Variants in ADAM23 observed in about 807,000 individuals in gnomAD.
ADAM23 encodes the protein disintegrin and metalloproteinase domain-containing protein 23.
ADAM23 carries 33 observed loss-of-function variants against 120.1 expected under a neutral mutation model. The observed-to-expected ratio is 0.27, with a 90% confidence interval of 0.21 to 0.37. The LOEUF (loss-of-function observed/expected upper bound fraction) is 0.37. ADAM23 is among the 10% of genes least tolerant of loss of function. The pLI is 1.00. For missense variants in ADAM23, 862 were observed against 1,058.2 expected (o/e 0.81, Z 2.57); for synonymous variants, 367 against 375.2 (o/e 0.98, Z 0.25).
chr2:206,608,480 A>G (rs933715324), intron 24 of ADAM23, among the ~76,000 whole-genome samples: 5 of 152,240 alleles, frequency 3.3e-5, no homozygotes, highest in Non-Finnish European at 7.3e-5. Flanking sequence ...CAAAAGAGAT[A>G]CTATATGTCA....
intron 1 of ADAM23, among the ~76,000 whole-genome samples, chr2:206,444,846 C>G (rs1695044699): frequency 1.3e-5 from 2 of 152,172 alleles, no homozygotes; most frequent in Non-Finnish European, 2.9e-5. Context: ...ATTCAGTACT[C>G]AAGTTATCTT....
At chr2:206,456,213 A>G (rs1016157231) in intron 2 of ADAM23, among the ~76,000 whole-genome samples, 1 of 152,132 alleles carries the variant, frequency 6.6e-6, no homozygotes, top group African/African-American at 2.4e-5. Context: ...AAGGGGAAGC[A>G]TGCACACCTT....
chr2:206,607,124 A>T (rs1162618469), intron 24 of ADAM23: 2 of 152,192 alleles, frequency 1.3e-5, no homozygotes, highest in African/African-American at 4.8e-5. Flanking sequence ...GGATTCAAGG[A>T]CTTTGACCAG....
At chr2:206,598,855 G>A (rs1698580970) in intron 24 of ADAM23, among the ~76,000 whole-genome samples, 1 of 152,000 alleles carries the variant, frequency 6.6e-6, no homozygotes, top group Admixed American at 6.6e-5. Context: ...AGCCAAGATC[G>A]TGCCACTGTA....
At chr2:206,533,953 T>C (rs1697124043) in intron 4 of ADAM23, among the ~76,000 whole-genome samples, 1 of 152,230 alleles carries the variant, frequency 6.6e-6, no homozygotes, top group South Asian at 2.1e-4. Flanking sequence ...GCACATAATA[T>C]ATAATAAAAC....
At chr2:206,454,358 C>A (rs1423104584) in intron 2 of ADAM23, among the ~76,000 whole-genome samples, 1 of 152,112 alleles carries the variant, frequency 6.6e-6, no homozygotes, top group Non-Finnish European at 1.5e-5. Flanking sequence ...ATGAGAACAG[C>A]ATGGGGCAGT....
At chr2:206,598,933 G>A (rs941366490) in intron 24 of ADAM23, among the ~76,000 whole-genome samples, 11 of 150,556 alleles carry the variant, frequency 7.3e-5, no homozygotes, top group African/African-American at 2.2e-4. Context: ...GGCCAGGCAC[G>A]GTGGCTTACA....
chr2:206,567,240 A>C lies in ADAM23; in HGVS notation c.1412A>C (p.Lys471Thr). The C allele has an allele frequency of 6.2e-7, 1 of 1,613,480 alleles. No homozygotes were observed. The highest frequency in any genetic ancestry group is 8.5e-7 in the Non-Finnish European group (1 of 1,179,622). ...MEETGVSHSR[K>T]FSKCSILEYR... ...TTCCTCAGGGTGTCCCATTCTCGAA[A>C]ATTTTCAAAGTGCAGCATTTTGGAG... The change falls in exon 15 of 26, where the codon AAA becomes ACA. Residue 471 changes from lysine to threonine, a missense_variant. Around this residue, in one of 4 missense-constraint regions of ADAM23, gnomAD observed 617 missense variants for 813.5 expected, o/e 0.76. Coordinates refer to ENST00000264377, the MANE Select transcript of ADAM23 (RefSeq NM_003812.4).
intron 20 of ADAM23, 35 bp downstream of exon 20, chr2:206,588,189 A>G: frequency 6.2e-7 from 1 of 1,606,076 alleles, no homozygotes; most frequent in Non-Finnish European, 8.5e-7. Context: ...GGTTACACAT[A>G]CCATTTTCTC....
intron 2 of ADAM23, among the ~76,000 whole-genome samples, chr2:206,449,389 T>C (rs955814764): frequency 2.0e-5 from 3 of 152,234 alleles, no homozygotes; most frequent in Non-Finnish European, 2.9e-5. Flanking sequence ...AGAAACACTT[T>C]AGATTCATTC....
intron 6 of ADAM23, among the ~76,000 whole-genome samples, chr2:206,545,528 A>T (rs912007302): frequency 6.6e-5 from 10 of 152,024 alleles, no homozygotes; most frequent in Non-Finnish European, 1.5e-5. Flanking sequence ...AACAGCTAAC[A>T]GTTAGATAGG....
intron 3 of ADAM23, among the ~76,000 whole-genome samples, chr2:206,525,591 G>GT (rs1169238994): frequency 2.0e-5 from 3 of 151,948 alleles, no homozygotes; most frequent in East Asian, 1.9e-4. Flanking sequence ...TTGTTTGTTT[G>GT]TTTGTTTTGT....
chr2:206,445,976 A>G (rs570485209), intron 2 of ADAM23, among the ~76,000 whole-genome samples: 1 of 152,344 alleles, frequency 6.6e-6, no homozygotes, highest in African/African-American at 2.4e-5. Context: ...TCCACTTAGA[A>G]ATTGAGTGTT....
chr2:206,578,192 T>C (rs1395403296), intron 18 of ADAM23, among the ~76,000 whole-genome samples: 1 of 152,136 alleles, frequency 6.6e-6, no homozygotes, highest in Non-Finnish European at 1.5e-5. Context: ...TTTTTTAACA[T>C]TACAAATCTA....
intron 3 of ADAM23, among the ~76,000 whole-genome samples, chr2:206,495,042 C>T (rs1029887131): frequency 3.3e-4 from 50 of 152,234 alleles, no homozygotes; most frequent in African/African-American, 1.0e-3. Flanking sequence ...CTGAAAGTGA[C>T]GGGGAGAATG....
chr2:206,520,077 T>G (rs1696813206), intron 3 of ADAM23, among the ~76,000 whole-genome samples: 1 of 152,172 alleles, frequency 6.6e-6, no homozygotes, highest in Non-Finnish European at 1.5e-5. Flanking sequence ...GTTATATGTA[T>G]GAAGGGTACC....
chr2:206,549,240 T>A (rs1017017613), intron 8 of ADAM23, among the ~76,000 whole-genome samples: 2 of 151,372 alleles, frequency 1.3e-5, no homozygotes, highest in Non-Finnish European at 3.0e-5. Flanking sequence ...TTTATGAAAC[T>A]CTTATGATAA....
chr2:206,546,654 A>G (rs1000438642), intron 6 of ADAM23, among the ~76,000 whole-genome samples: 1 of 152,168 alleles, frequency 6.6e-6, no homozygotes, highest in Non-Finnish European at 1.5e-5. Flanking sequence ...ATAGTCCCAT[A>G]TATTTTTAAA....
Position 206,571,825 on chromosome 2 carries a change from T to A in ADAM23, c.1656+9T>A. The A allele has an allele frequency of 6.2e-7, 1 of 1,610,386 alleles. No homozygotes were observed. The highest frequency in any genetic ancestry group is 8.5e-7 in the Non-Finnish European group (1 of 1,176,540). ...ACAATACCTCATGTCTTGTGAGTTT[T>A]CTGACAGTTTCATCTTTCTTTTAAT... On this transcript the variant is annotated intron_variant, in intron 17 of 25. Coordinates refer to ENST00000264377, the MANE Select transcript of ADAM23 (RefSeq NM_003812.4).
Sources: allele counts gnomAD v4.1 joint callset (sites outside exome capture counted in the v4.1 genomes callset), GRCh38; gene constraint gnomAD v4.1.1; regional missense constraint gnomAD v4.1.1; transcripts MANE v1.5; gene names NCBI Gene and HGNC (gene_info 2026-07-23, HGNC 2026-07-21).